The following WNK1 variants were observed in gnomAD, a reference collection of about 807,000 sequenced individuals.
WNK1 encodes serine/threonine-protein kinase WNK1.
In WNK1, 38 loss-of-function variants were observed where a neutral mutation model predicts 222.8. The observed-to-expected ratio is 0.17, with a 90% CI of 0.13 to 0.22. The LOEUF is 0.22. WNK1 is among the 10% of genes least tolerant of loss of function. The pLI is 1.00. For synonymous variants in WNK1, 1,090 were observed against 1,092.9 expected, an observed-to-expected ratio of 1.00 and a Z score of 0.05; for missense variants, 2,348 against 2,918.4, an observed-to-expected ratio of 0.80 and a Z score of 4.50.
At chr12:781,316 C>T (rs1379056369) in intron 1 of WNK1, 1 of 152,802 alleles carries the variant, frequency 6.5e-6, no homozygotes, top group African/African-American at 2.4e-5. Context: ...CTTTGAAAAA[C>T]ATTTTACTTA....
At position 909,142 on chromosome 12, in the gene WNK1, G is replaced by A. The variant is rs965090082; in HGVS notation, c.*350G>A. 4 of 291,546 alleles carry A rather than the reference G, an allele frequency of 1.4e-5. No individual in the cohort carries two copies. The highest frequency in any genetic ancestry group is 8.7e-5 in the African/African-American group (4 of 45,942). The allele number at this position is 291,546 out of a possible 1,614,324, so 18.1% of individuals were successfully genotyped here. A position where few individuals can be genotyped will look rare whatever the true frequency, so the allele number is the denominator to read the frequency against. ...TAAAATCAAACCCATCTGTAATTTCGAGTGGGTGGAGCTCTTGCTTTTGGT... is the reference window on the plus strand; with the variant it reads ...TAAAATCAAACCCATCTGTAATTTCAAGTGGGTGGAGCTCTTGCTTTTGGT... On this transcript the variant is annotated 3_prime_UTR_variant, in exon 28 of 28. Transcript: ENST00000315939.
chr12:804,072 A>T (rs764321589), intron 1 of WNK1, among the ~76,000 whole-genome samples: 2 of 152,222 alleles, frequency 1.3e-5, no homozygotes, highest in Non-Finnish European at 2.9e-5. Flanking sequence ...GATGACCAAT[A>T]GACACTTTTT....
At chr12:796,388 G>A (rs537586859) in intron 1 of WNK1, among the ~76,000 whole-genome samples, 1 of 152,220 alleles carries the variant, frequency 6.6e-6, no homozygotes, top group East Asian at 1.9e-4. Flanking sequence ...AGAGGAGTAG[G>A]AAACACATAC....
rs140045253 is a variant in WNK1, at chr12:782,991, A to C, written c.759+28667A>C. ...CGATTATGGCTCACTGCAGCTTCGA[A>C]CTCCTGGGCTTAAGCGATCCTCCAG... On this transcript the variant is annotated intron_variant, in intron 1 of 27. Transcript: ENST00000315939. Among the ~76,000 whole-genome samples, 817 of 151,482 alleles carry C rather than the reference A, an allele frequency of 5.4e-3. 9 individuals carry two copies. Among genetic ancestry groups the C allele is most frequent in the African/African-American group, 0.019 (793 of 41,236 alleles).
At chr12:770,542 AC>A (rs1487612379) in intron 1 of WNK1, among the ~76,000 whole-genome samples, 13 of 152,318 alleles carry the variant, frequency 8.5e-5, no homozygotes, top group African/African-American at 3.1e-4. Flanking sequence ...GTTTCTGTTA[AC>A]CATCGCTAAT....
intron 20 of WNK1, among the ~76,000 whole-genome samples, chr12:888,707 C>G (rs1953911979): frequency 6.6e-6 from 1 of 152,046 alleles, no homozygotes; most frequent in Admixed American, 6.5e-5. Flanking sequence ...TATGTTAATG[C>G]CATCTTTTAT....
intron 1 of WNK1, among the ~76,000 whole-genome samples, chr12:773,199 G>C (rs190535951): frequency 2.0e-5 from 3 of 151,964 alleles, no homozygotes; most frequent in African/African-American, 7.3e-5. Context: ...CGGAGGTTGC[G>C]GTGAGCTGAG....
rs1270416878 is a variant in WNK1 at position 759,684 on chromosome 12, T to G, written c.759+5360T>G. Among the ~76,000 whole-genome samples, 2 of 147,808 alleles carry G rather than the reference T, an allele frequency of 1.4e-5. 1 individual carries two copies. Among genetic ancestry groups the G allele is most frequent in the Non-Finnish European group, 3.0e-5 (2 of 66,154 alleles). On this transcript the variant is annotated intron_variant, in intron 1 of 27. Transcript: ENST00000315939. ...GGAATAGGTGAGACTTAGCATGACC[T>G]CAGTTTATGTTTGAAGAGGCCATTT...
intron 1 of WNK1, among the ~76,000 whole-genome samples, chr12:765,911 AAT>A (rs1219344414): frequency 1.3e-5 from 2 of 152,216 alleles, no homozygotes; most frequent in Non-Finnish European, 2.9e-5. Context: ...ATAAAGAAAA[AAT>A]AGTTATTTTT....
chr12:784,057 CAA>C (rs369176579), intron 1 of WNK1, among the ~76,000 whole-genome samples: 861 of 39,122 alleles, frequency 0.022, 33 homozygotes, highest in Middle Eastern at 0.13. Context: ...CTGTCTCCAC[CAA>C]AAAAAAAAAA....
In WNK1 at chr12:790,398, C is replaced by A. The variant is rs1379218812; in HGVS notation, c.760-23244C>A. Among the ~76,000 whole-genome samples, 3 of 152,132 alleles carry A rather than the reference C, an allele frequency of 2.0e-5. No individual in the cohort carries two copies. The East Asian group carries it at 5.8e-4, about 29-fold the overall frequency. Reference sequence around the variant, plus strand: ...GGATTACAGGCATGAGTCACCGTGCCACATCTGGAGAAAGTGGTCTGTAAA... The same window carrying A: ...GGATTACAGGCATGAGTCACCGTGCAACATCTGGAGAAAGTGGTCTGTAAA... On this transcript the variant is annotated intron_variant, in intron 1 of 27. Coordinates refer to ENST00000315939, the MANE Select transcript of WNK1 (RefSeq NM_018979.4).
chr12:771,785 A>G (rs1256358844), intron 1 of WNK1, among the ~76,000 whole-genome samples: 2 of 152,128 alleles, frequency 1.3e-5, no homozygotes, highest in Non-Finnish European at 1.5e-5. Flanking sequence ...TGGCAAGACC[A>G]TTCTCTTCAG....
At position 812,823 on chromosome 12, in the gene WNK1, T is replaced by G. The variant is rs1311590730; in HGVS notation, c.760-819T>G. Among the ~76,000 whole-genome samples the G allele has an allele frequency of 2.0e-5, 3 of 151,868 alleles. No homozygotes were observed. In the East Asian group the frequency reaches 5.8e-4, roughly 29 times the overall value. On this transcript the variant is annotated intron_variant, in intron 1 of 27. Coordinates refer to ENST00000315939, the MANE Select transcript of WNK1 (RefSeq NM_018979.4). ...TACTCACACACATTTAAAAATTGTT[T>G]AAAAAGAAAAGAAGAGTTGGAAGGG...
chr12:868,177 G>C, intron 8 of WNK1: 1 of 1,613,964 alleles, frequency 6.2e-7, no homozygotes, highest in Non-Finnish European at 8.5e-7. Context: ...GTGAGATACA[G>C]GTCCATCCTA....
rs150576949 is a variant in WNK1 at position 760,508 on chromosome 12, A to G, written c.759+6184A>G. Among the ~76,000 whole-genome samples, 7 of 147,736 alleles carry G rather than the reference A, an allele frequency of 4.7e-5. 1 individual carries two copies. The highest frequency in any genetic ancestry group is 4.0e-4 in the Admixed American group (6 of 14,868). On this transcript the variant is annotated intron_variant, in intron 1 of 27. Coordinates refer to ENST00000315939, the MANE Select transcript of WNK1 (RefSeq NM_018979.4). ...GAAATACTATGTGAATGTACTTTGA[A>G]AAATGTTAAGTGTTATATAAAATAT...
At chr12:865,820 C>T (rs1951619227) in intron 8 of WNK1, among the ~76,000 whole-genome samples, 1 of 151,414 alleles carries the variant, frequency 6.6e-6, no homozygotes, top group Non-Finnish European at 1.5e-5. Context: ...TAACCTTAGT[C>T]AGCAAAGAAT....
intron 25 of WNK1, among the ~76,000 whole-genome samples, chr12:900,137 C>T (rs1159320426): frequency 6.6e-6 from 1 of 151,668 alleles, no homozygotes; most frequent in Non-Finnish European, 1.5e-5. Context: ...AGGCACCCTC[C>T]ACCACGCCTG....
In WNK1 at chr12:907,894, G is replaced by A. The variant is rs778252327; in HGVS notation, c.6691G>A (p.Ala2231Thr). 1.6e-5 allele frequency: 26 copies of A among 1,613,872 alleles called. No individual in the cohort carries two copies. The highest frequency in any genetic ancestry group is 1.7e-4 in the Middle Eastern group (1 of 6,018). The stretch of plus-strand genomic sequence containing the variant: ...TGGGGCAACAGTGAACAGCCAAGCC[G>A]CCCAAGCTCAGCCTCCTGCCATGAC... ...TVGATVNSQA[A>T]QAQPPAMTSS... Residue 2231 changes from alanine to threonine, a missense_variant, in exon 27 of 28, where the codon GCC becomes ACC. Transcript: ENST00000315939.
At chr12:769,102 C>T (rs558700509) in intron 1 of WNK1, among the ~76,000 whole-genome samples, 1 of 152,242 alleles carries the variant, frequency 6.6e-6, no homozygotes, top group East Asian at 1.9e-4. Flanking sequence ...GCCACTGTGC[C>T]CAGCCTGGAT....
Sources: allele counts gnomAD v4.1 joint callset (sites outside exome capture counted in the v4.1 genomes callset), GRCh38; gene constraint gnomAD v4.1.1; transcripts MANE v1.5; gene names NCBI Gene and HGNC (gene_info 2026-07-23, HGNC 2026-07-21).